Variants in LTBP1 observed in about 807,000 individuals in gnomAD.
The protein encoded by LTBP1 is latent-transforming growth factor beta-binding protein 1.
In LTBP1, 129 loss-of-function variants were observed where a neutral mutation model predicts 207.6. The observed-to-expected ratio is 0.62, with a 90% CI of 0.54 to 0.72. The LOEUF (loss-of-function observed/expected upper bound fraction) is 0.72, where lower values mean the gene tolerates loss of function less well. LTBP1 is among the 30% of genes least tolerant of loss of function. LTBP1 has a pLI of 0.00. For synonymous variants in LTBP1, 963 were observed against 833.7 expected (o/e 1.16, Z -2.67); for missense variants, 2,281 against 2,217.2 (o/e 1.03, Z -0.58).
At chr2:33,210,147 G>A (rs2090198483) in intron 7 of LTBP1, among the ~76,000 whole-genome samples, 1 of 152,172 alleles carries the variant, frequency 6.6e-6, no homozygotes, top group African/African-American at 2.4e-5. Flanking sequence ...ATGCTGCAAG[G>A]CAAGTAGATA....
intron 20 of LTBP1, among the ~76,000 whole-genome samples, chr2:33,299,240 CA>C (rs1300938977): frequency 0.056 from 4,383 of 78,804 alleles, 54 homozygotes; most frequent in Non-Finnish European, 0.065. Context: ...GACTCTGTCT[CA>C]AAAAAAAAAA....
chr2:33,176,592 A>C (rs60912788), intron 5 of LTBP1, among the ~76,000 whole-genome samples: 12,531 of 152,146 alleles, frequency 0.082, 1,124 homozygotes, highest in African/African-American at 0.23. Context: ...TTCTTTTTGG[A>C]AATTCATCTG....
At position 33,347,298 on chromosome 2, in the gene LTBP1, C is replaced by A. The variant is rs866138920; in HGVS notation, c.3857-69C>A. ...CAGCAAGACACTATTAGCCCTGGCA[C>A]AGCTGGTAAAATAGAGAGCTGTCGT... On this transcript the variant is annotated intron_variant, in intron 25 of 33. Coordinates refer to ENST00000404816, the MANE Select transcript of LTBP1 (RefSeq NM_206943.4). 5.0e-6 allele frequency: 8 copies of A among 1,585,430 alleles called. No individual in the cohort carries two copies. In the East Asian group the frequency reaches 1.3e-4, roughly 27 times the overall value.
chr2:33,001,469 A>G (rs1273747399), intron 2 of LTBP1, among the ~76,000 whole-genome samples: 1 of 134,890 alleles, frequency 7.4e-6, no homozygotes, highest in Non-Finnish European at 1.6e-5. Context: ...CAACTGCCTT[A>G]AGATTAAATA....
At chr2:33,083,214 G>C (rs17397149) in intron 3 of LTBP1, among the ~76,000 whole-genome samples, 15,279 of 151,880 alleles carry the variant, frequency 0.1, 973 homozygotes, top group Non-Finnish European at 0.14. Flanking sequence ...GCTTAGTCAG[G>C]ATCATTTGTA....
At chr2:33,336,934 T>A (rs537320275) in intron 24 of LTBP1, among the ~76,000 whole-genome samples, 10 of 152,342 alleles carry the variant, frequency 6.6e-5, no homozygotes, top group African/African-American at 2.4e-4. Context: ...ACACATAGAC[T>A]TTTCTGCATG....
At chr2:33,181,877 A>G (rs367609093) in intron 5 of LTBP1, among the ~76,000 whole-genome samples, 85 of 152,310 alleles carry the variant, frequency 5.6e-4, no homozygotes, top group African/African-American at 1.9e-3. Context: ...AGTGGCATGA[A>G]CTTTTGAAAC....
chr2:33,108,190 A>G (rs1470336532), intron 3 of LTBP1, among the ~76,000 whole-genome samples: 2 of 151,730 alleles, frequency 1.3e-5, no homozygotes, highest in Non-Finnish European at 2.9e-5. Context: ...TTGCCTCAGC[A>G]GGGGTCCTGT....
At chr2:33,264,687 T>C (rs2093125252) in intron 15 of LTBP1, among the ~76,000 whole-genome samples, 1 of 152,208 alleles carries the variant, frequency 6.6e-6, no homozygotes, top group African/African-American at 2.4e-5. Context: ...TAATACCTTA[T>C]TCCTATCAAA....
rs763384851 is a variant in LTBP1 at position 33,283,427 on chromosome 2, CTTTTTTT to C, written c.3112+3290_3112+3296del. On this transcript the variant is annotated intron_variant, in intron 19 of 33. Transcript: ENST00000404816. Reference sequence around the variant, plus strand: ...AAATTCTCCGTGATAACATTAAAGACTTTTTTTTTTTTTTTTTTTTTTTTTTTGAGAC... The same window carrying C: ...AAATTCTCCGTGATAACATTAAAGACTTTTTTTTTTTTTTTTTTTTGAGAC... 1.4e-3 allele frequency among the ~76,000 whole-genome samples: 97 copies of C among 68,900 alleles called. 3 individuals are homozygous for C. The East Asian group carries it at 0.033, about 24-fold the overall frequency. The allele number at this position is 68,900 out of a possible 152,430, so 45.2% of individuals were successfully genotyped here.
intron 24 of LTBP1, among the ~76,000 whole-genome samples, chr2:33,323,776 T>C (rs1286433753): frequency 1.3e-5 from 2 of 152,190 alleles, no homozygotes; most frequent in Non-Finnish European, 2.9e-5. Flanking sequence ...TAGGAAACAT[T>C]CTTAATAAGA....
At chr2:33,389,441 A>G in intron 32 of LTBP1, 135 bp downstream of exon 32, 1 of 1,203,530 alleles carries the variant, frequency 8.3e-7, no homozygotes. Flanking sequence ...CAGAAAGTCT[A>G]GGGTGGGACC....
intron 31 of LTBP1, among the ~76,000 whole-genome samples, chr2:33,366,982 A>G (rs2094996537): frequency 6.6e-6 from 1 of 152,174 alleles, no homozygotes; most frequent in African/African-American, 2.4e-5. Flanking sequence ...CAAAGAGGTT[A>G]TATTCCCCTC....
At position 33,275,006 on chromosome 2, in the gene LTBP1, G is replaced by A. The variant is rs2093397317; in HGVS notation, c.2785G>A (p.Gly929Ser). 1 of 1,613,938 alleles carries A rather than the reference G, an allele frequency of 6.2e-7. No homozygotes were observed. The highest frequency in any genetic ancestry group is 1.1e-5 in the South Asian group (1 of 91,072). The change falls in exon 17 of 34, where the codon GGC becomes AGC. Residue 929 changes from glycine to serine, a missense_variant. Physicochemically the swap from Gly to Ser is moderately conservative, Grantham distance 56 (BLOSUM62 0). Coordinates refer to ENST00000404816, the MANE Select transcript of LTBP1 (RefSeq NM_206943.4). ...CTQVQHLCSQ[G>S]RCENTEGSFL... The stretch of plus-strand genomic sequence containing the variant: ...TCAGGTCCAACACCTCTGCTCCCAG[G>A]GCCGCTGTGAAAACACCGAGGGAAG...
At chr2:33,354,267 A>G (rs1293643076) in intron 26 of LTBP1, among the ~76,000 whole-genome samples, 1 of 152,218 alleles carries the variant, frequency 6.6e-6, no homozygotes, top group Non-Finnish European at 1.5e-5. Context: ...TAACCTGTTA[A>G]ATAAATTTAA....
chr2:33,085,899 A>G (rs1051729371), intron 3 of LTBP1, among the ~76,000 whole-genome samples: 14 of 152,106 alleles, frequency 9.2e-5, no homozygotes, highest in African/African-American at 3.1e-4. Flanking sequence ...TAATTACAGG[A>G]AGAAGTCTGG....
chr2:33,160,331 A>G (rs181975349), intron 5 of LTBP1, among the ~76,000 whole-genome samples: 1 of 152,248 alleles, frequency 6.6e-6, no homozygotes, highest in African/African-American at 2.4e-5. Context: ...GAATCGCAAA[A>G]CTTGAATTTA....
chr2:33,101,449 A>G (rs763561440), intron 3 of LTBP1, among the ~76,000 whole-genome samples: 1 of 152,224 alleles, frequency 6.6e-6, no homozygotes. Flanking sequence ...TTCACCCATC[A>G]TAAAAAGAAA....
At chr2:33,217,445 G>T in intron 7 of LTBP1, 107 bp from the exon 8 acceptor site, 3 of 611,480 alleles carry the variant, frequency 4.9e-6, no homozygotes, top group South Asian at 2.4e-5. Context: ...TAATTGTGTC[G>T]ATAACAAGGG....
Sources: allele counts gnomAD v4.1 joint callset (sites outside exome capture counted in the v4.1 genomes callset), GRCh38; gene constraint gnomAD v4.1.1; transcripts MANE v1.5; gene names NCBI Gene and HGNC (gene_info 2026-07-23, HGNC 2026-07-21).